The following NRXN1 variants were observed in gnomAD, a reference collection of about 807,000 sequenced individuals.
NRXN1 encodes the protein neurexin 1.
NRXN1 carries 39 observed loss-of-function variants against 150.9 expected under a neutral mutation model. The ratio of observed to expected loss-of-function variants is 0.26; its 90% CI spans 0.20 to 0.34. The LOEUF is 0.34. Among genes scored for constraint, NRXN1 ranks in the 10% least tolerant of loss-of-function variants. The pLI is 1.00. For missense variants in NRXN1, 1,815 were observed against 1,949.9 expected, an observed-to-expected ratio of 0.93 and a Z score of 1.30; for synonymous variants, 924 against 757.0, an observed-to-expected ratio of 1.22 and a Z score of -3.62.
At chr2:50,234,071 T>C (rs1269977420) in intron 18 of NRXN1, among the ~76,000 whole-genome samples, 1 of 152,132 alleles carries the variant, frequency 6.6e-6, no homozygotes, top group Non-Finnish European at 1.5e-5. Flanking sequence ...TTTCATTTTT[T>C]CTTTTAATTT....
chr2:50,034,638 C>A (rs1168216636), intron 21 of NRXN1, among the ~76,000 whole-genome samples: 1 of 151,922 alleles, frequency 6.6e-6, no homozygotes, highest in Non-Finnish European at 1.5e-5. Flanking sequence ...TACCCCTGAA[C>A]TTAAAATAAA....
intron 21 of NRXN1, among the ~76,000 whole-genome samples, chr2:50,029,224 C>T (rs144449056): frequency 2.9e-4 from 44 of 152,264 alleles, no homozygotes; most frequent in Admixed American, 1.2e-3. Flanking sequence ...CACCAGATAC[C>T]GAATCAGCTG....
intron 8 of NRXN1, among the ~76,000 whole-genome samples, chr2:50,562,081 T>C (rs545533950): frequency 4.5e-4 from 69 of 152,294 alleles, no homozygotes; most frequent in Admixed American, 1.0e-3. Context: ...GGGGAACCTA[T>C]CTTCCCATAT....
chr2:50,126,221 T>C (rs1310441042), intron 18 of NRXN1, among the ~76,000 whole-genome samples: 2 of 152,112 alleles, frequency 1.3e-5, no homozygotes, highest in Admixed American at 6.6e-5. Flanking sequence ...CATTGCTCTT[T>C]CTGCTGCAGG....
At chr2:50,465,931 A>C (rs1037758062) in intron 16 of NRXN1, among the ~76,000 whole-genome samples, 1 of 151,876 alleles carries the variant, frequency 6.6e-6, no homozygotes, top group African/African-American at 2.4e-5. Flanking sequence ...GAATAGAGAC[A>C]TAATGAGAAA....
intron 19 of NRXN1, among the ~76,000 whole-genome samples, chr2:50,082,973 G>A (rs1698179305): frequency 1.3e-5 from 2 of 151,786 alleles, no homozygotes; most frequent in African/African-American, 4.9e-5. Flanking sequence ...TAATGCATTT[G>A]TTTTGGGGGC....
At chr2:50,671,699 A>C (rs979588738) in intron 5 of NRXN1, among the ~76,000 whole-genome samples, 9 of 151,828 alleles carry the variant, frequency 5.9e-5, no homozygotes, top group East Asian at 3.9e-4. Flanking sequence ...TACAACAGTA[A>C]AGAATTAATT....
Position 50,496,224 on chromosome 2 carries a change from A to C in NRXN1, c.2880-129T>G, listed in dbSNP as rs1001199938. 6 of 613,964 alleles carry C rather than the reference A, an allele frequency of 9.8e-6. No homozygotes were observed. In the African/African-American group the frequency reaches 1.1e-4, roughly 11 times the overall value. 38.0% of individuals were successfully genotyped at this position (613,964 alleles called of 1,614,324 possible). A position where few individuals can be genotyped will look rare whatever the true frequency, so the allele number is the denominator to read the frequency against. On this transcript the variant is annotated intron_variant, in intron 14 of 22. Coordinates refer to ENST00000401669, the MANE Select transcript of NRXN1 (RefSeq NM_001330078.2). ...TTACTAGAAGTCATGACAATAAGTT[A>C]CATAGAAACTCAGCTATCAAGAAGG...
At chr2:49,965,116 A>G (rs916952116) in intron 21 of NRXN1, among the ~76,000 whole-genome samples, 2 of 151,542 alleles carry the variant, frequency 1.3e-5, no homozygotes, top group South Asian at 2.1e-4. Context: ...CTGAGCTCCA[A>G]TGATCCACCT....
chr2:50,434,708 A>T (rs1572959133), intron 17 of NRXN1, among the ~76,000 whole-genome samples: 1 of 152,232 alleles, frequency 6.6e-6, no homozygotes, highest in East Asian at 1.9e-4. Context: ...TGAATCTTGA[A>T]ACCATGGAAT....
rs543900018 is a variant in NRXN1 at position 49,999,869 on chromosome 2, A to G, written c.4128+53402T>C. 1.4e-4 allele frequency among the ~76,000 whole-genome samples: 21 copies of G among 152,336 alleles called. No homozygotes were observed. The Middle Eastern group carries it at 0.017, about 123-fold the overall frequency. ...GTAATGACTAACTGCAGCATAAAGTATATTTCCTACCTTCACCCCAAGAAG... is the reference window on the plus strand; with the variant it reads ...GTAATGACTAACTGCAGCATAAAGTGTATTTCCTACCTTCACCCCAAGAAG... On this transcript the variant is annotated intron_variant, in intron 21 of 22. Coordinates refer to ENST00000401669, the MANE Select transcript of NRXN1 (RefSeq NM_001330078.2).
rs5831107 is a variant in NRXN1 at position 50,291,135 on chromosome 2, G to GAA, written c.3365-54167_3365-54166dup. ...CTCCTGGAGTTGAACCACAGAAGTT[G>GAA]AAAAAAAAAAAAGGCTCTGAATTAA... On this transcript the variant is annotated intron_variant, in intron 17 of 22. Transcript: ENST00000401669. Among the ~76,000 whole-genome samples, 113 of 143,830 alleles carry GAA rather than the reference G, an allele frequency of 7.9e-4. 1 individual carries two copies. The highest frequency in any genetic ancestry group is 2.2e-3 in the South Asian group (10 of 4,462). The allele number at this position is 143,830 out of a possible 152,430, so 94.4% of individuals were successfully genotyped here.
chr2:50,722,690 TA>T (rs1170807196), intron 5 of NRXN1, among the ~76,000 whole-genome samples: 1 of 152,208 alleles, frequency 6.6e-6, no homozygotes, highest in Non-Finnish European at 1.5e-5. Flanking sequence ...TTTTCTTTTG[TA>T]ATTAGAAAAA....
chr2:50,604,596 G>T (rs4971686), intron 8 of NRXN1, among the ~76,000 whole-genome samples: 1 of 151,684 alleles, frequency 6.6e-6, no homozygotes, highest in Non-Finnish European at 1.5e-5. Context: ...TTCCTGTCTC[G>T]ACTCTTATCT....
chr2:50,912,527 T>C (rs1256814305), intron 5 of NRXN1, among the ~76,000 whole-genome samples: 1 of 151,934 alleles, frequency 6.6e-6, no homozygotes, highest in Non-Finnish European at 1.5e-5. Flanking sequence ...CACAGGGAAT[T>C]GATGACATGG....
chr2:50,812,134 C>T (rs888251891), intron 5 of NRXN1, among the ~76,000 whole-genome samples: 1 of 151,760 alleles, frequency 6.6e-6, no homozygotes, highest in African/African-American at 2.4e-5. Flanking sequence ...TTTATTTAAA[C>T]ATTTGGTTTT....
chr2:50,307,315 T>C (rs1328991139), intron 17 of NRXN1, among the ~76,000 whole-genome samples: 1 of 152,184 alleles, frequency 6.6e-6, no homozygotes, highest in Non-Finnish European at 1.5e-5. Flanking sequence ...TTTATCCTTA[T>C]TATATATTTT....
chr2:50,844,110 A>C (rs1353434258), intron 5 of NRXN1, among the ~76,000 whole-genome samples: 3 of 152,150 alleles, frequency 2.0e-5, no homozygotes, highest in African/African-American at 7.2e-5. Flanking sequence ...GAACAGCGAA[A>C]GTGAGACTTT....
At chr2:50,720,750 C>A (rs1696534218) in intron 5 of NRXN1, among the ~76,000 whole-genome samples, 1 of 152,132 alleles carries the variant, frequency 6.6e-6, no homozygotes, top group Non-Finnish European at 1.5e-5. Flanking sequence ...TATTTTAATA[C>A]AAGATAACAA....
Sources: gnomAD v4.1 joint callset for allele counts (sites outside exome capture counted in the v4.1 genomes callset) on GRCh38, gnomAD v4.1.1 for gene constraint, MANE v1.5 for transcripts, NCBI Gene and HGNC (gene_info 2026-07-23, HGNC 2026-07-21) for gene names.